The following KLRB1 variants were observed in gnomAD, a reference collection of about 807,000 sequenced individuals.
The protein encoded by KLRB1 is killer cell lectin-like receptor subfamily B member 1.
KLRB1 carries 27 observed loss-of-function variants against 33.5 expected under a neutral mutation model. The observed-to-expected ratio is 0.81, with a 90% CI of 0.59 to 1.11. The LOEUF (loss-of-function observed/expected upper bound fraction) is 1.11, where lower values mean the gene tolerates loss of function less well. KLRB1 is among the 50% of genes most tolerant of loss of function. The probability of loss-of-function intolerance (pLI) is 0.00; values close to 1 mark genes in which losing one functional copy is unlikely to be tolerated. For synonymous variants in KLRB1, 64 were observed against 88.9 expected, an observed-to-expected ratio of 0.72 and a Z score of 1.58; for missense variants, 241 against 254.1, an observed-to-expected ratio of 0.95 and a Z score of 0.35.
At chr12:9,607,405 T>TTTCTTTCTTTCTTTCTTTTC (rs1565444748) in intron 1 of KLRB1, among the ~76,000 whole-genome samples, 1 of 48,028 alleles carries the variant, frequency 2.1e-5, no homozygotes, top group African/African-American at 6.1e-5. Context: ...TCTTTCTTTC[T>TTTCTTTCTTTCTTTCTTTTC]TTTCTTTCTT....
chr12:9,596,070 T>C (rs1421124238), intron 5 of KLRB1, among the ~76,000 whole-genome samples: 2 of 152,140 alleles, frequency 1.3e-5, no homozygotes, highest in African/African-American at 2.4e-5. Flanking sequence ...GGTGATGATA[T>C]AATTCAAACA....
At chr12:9,603,573 C>T (rs374996153) in intron 1 of KLRB1, among the ~76,000 whole-genome samples, 13 of 149,660 alleles carry the variant, frequency 8.7e-5, no homozygotes, top group African/African-American at 1.7e-4. Context: ...TACAGGCATG[C>T]GCCACCATGC....
At chr12:9,603,014 A>G (rs1361893703) in intron 1 of KLRB1, among the ~76,000 whole-genome samples, 1 of 152,148 alleles carries the variant, frequency 6.6e-6, no homozygotes, top group Non-Finnish European at 1.5e-5. Flanking sequence ...GTAGCGTTAG[A>G]TGTGATCAAA....
rs1864641921 is a variant in KLRB1, at chr12:9,607,844, G to T, written c.-5C>A. 9 of 1,605,092 alleles carry T rather than the reference G, an allele frequency of 5.6e-6. No homozygotes were observed. Among genetic ancestry groups the T allele is most frequent in the Middle Eastern group, 1.7e-4 (1 of 6,040 alleles). On this transcript the variant is annotated 5_prime_UTR_variant, in exon 1 of 6. The change creates a new upstream start codon in the 5' untranslated region. Transcript: ENST00000229402. ...ATATATTGCTTGTTGGTCCATGGCAGACAGAGGAAGGTGGCATTAAACTTG... is the reference window on the plus strand; with the variant it reads ...ATATATTGCTTGTTGGTCCATGGCATACAGAGGAAGGTGGCATTAAACTTG...
intron 1 of KLRB1, chr12:9,607,522 G>A (rs1051661344): frequency 2.3e-6 from 1 of 434,262 alleles, no homozygotes; most frequent in Non-Finnish European, 4.2e-6. Flanking sequence ...GGCTCAGTAA[G>A]ACAAGTGATG....
chr12:9,607,616 C>G lies in KLRB1; in HGVS notation c.85+139G>C, dbSNP rs149588807. 1.0e-2 allele frequency: 5,957 copies of G among 597,020 alleles called. 60 individuals carry two copies. The highest frequency in any genetic ancestry group is 0.012 in the Non-Finnish European group (3,914 of 334,764). The allele number at this position is 597,020 out of a possible 1,614,324, so 37.0% of individuals were successfully genotyped here. A position where few individuals can be genotyped will look rare whatever the true frequency, so the allele number is the denominator to read the frequency against. Reference sequence around the variant, plus strand: ...TCCCAAAGTTGTGATTATCTACAGGCAAGCCATGCAACACCCGTTAAACAT... The same window carrying G: ...TCCCAAAGTTGTGATTATCTACAGGGAAGCCATGCAACACCCGTTAAACAT... On this transcript the variant is annotated intron_variant, in intron 1 of 5. Coordinates refer to ENST00000229402, the MANE Select transcript of KLRB1 (RefSeq NM_002258.3).
intron 1 of KLRB1, among the ~76,000 whole-genome samples, chr12:9,604,155 C>T (rs1864575026): frequency 6.6e-6 from 1 of 152,024 alleles, no homozygotes; most frequent in South Asian, 2.1e-4. Context: ...GTTTCTGTGG[C>T]ACCACGTGAC....
rs887887856 is a variant in KLRB1 at position 9,601,386 on chromosome 12, C to T, written c.184+115G>A. The T allele has an allele frequency of 8.6e-5, 58 of 672,430 alleles. No homozygotes were observed. The African/African-American group carries it at 9.9e-4, about 11-fold the overall frequency. 41.7% of individuals were successfully genotyped at this position (672,430 alleles called of 1,614,324 possible). Reference sequence around the variant, plus strand: ...TTTCTTTTCCAAATCTCTCGTCCCACCTTACGAGAAACACCCACAGGTGTG... The same window carrying T: ...TTTCTTTTCCAAATCTCTCGTCCCATCTTACGAGAAACACCCACAGGTGTG... On this transcript the variant is annotated intron_variant, in intron 2 of 5. Transcript: ENST00000229402.
intron 2 of KLRB1, among the ~76,000 whole-genome samples, chr12:9,601,176 G>A (rs372314150): frequency 3.4e-5 from 5 of 148,364 alleles, no homozygotes; most frequent in African/African-American, 7.4e-5. Context: ...CTTTGTTCAC[G>A]TGTTTGTCTG....
chr12:9,603,308 C>T (rs12818361), intron 1 of KLRB1, among the ~76,000 whole-genome samples: 41,297 of 152,066 alleles, frequency 0.27, 6,536 homozygotes, highest in South Asian at 0.47. Flanking sequence ...TATATATGTA[C>T]GTTATTTCAC....
At chr12:9,600,603 C>A (rs773136096) in intron 2 of KLRB1, among the ~76,000 whole-genome samples, 5 of 152,248 alleles carry the variant, frequency 3.3e-5, no homozygotes, top group South Asian at 2.1e-4. Flanking sequence ...TACCCCCAAC[C>A]CCTTGCTCTC....
At position 9,601,598 on chromosome 12, in the gene KLRB1, A is replaced by G. The variant is rs781679407; in HGVS notation, c.87T>C (p.Asp29=). ...GATGCCAAGGTGAACCCTGACAGAC[A>G]TCTGAAAAGTTAAAAAGAAAAACAC... ...ESSSPSSLPR[D]VCQGSPWHQF... is the part of the protein sequence containing the mutation. The change falls in exon 2 of 6, where the codon GAT becomes GAC. Residue 29 remains aspartate (D), a splice_region_variant and synonymous_variant. Transcript: ENST00000229402. The G allele has an allele frequency of 1.2e-6, 2 of 1,605,528 alleles. No individual in the cohort carries two copies. The highest frequency in any genetic ancestry group is 1.7e-6 in the Non-Finnish European group (2 of 1,173,626).
intron 1 of KLRB1, among the ~76,000 whole-genome samples, chr12:9,607,412 T>TCTTTCTTTCTTTCTTTCTTTC (rs1565444769): frequency 6.9e-6 from 1 of 145,282 alleles, no homozygotes; most frequent in Non-Finnish European, 1.5e-5. Context: ...TTCTTTTCTT[T>TCTTTCTTTCTTTCTTTCTTTC]CTTTCTTTCT....
At chr12:9,603,305 G>A (rs1864563877) in intron 1 of KLRB1, among the ~76,000 whole-genome samples, 1 of 152,128 alleles carries the variant, frequency 6.6e-6, no homozygotes, top group Non-Finnish European at 1.5e-5. Context: ...TTTTATATAT[G>A]TACGTTATTT....
chr12:9,598,269 G>T, intron 4 of KLRB1, 108 bp from the exon 5 acceptor site: 1 of 793,142 alleles, frequency 1.3e-6, no homozygotes, highest in Non-Finnish European at 2.1e-6. Context: ...CTAACTCGTC[G>T]TCAGCATTAA....
rs770524225 is a variant in KLRB1 at position 9,605,298 on chromosome 12, A to G, written c.85+2457T>C. Among the ~76,000 whole-genome samples the G allele has an allele frequency of 6.5e-4, 99 of 152,340 alleles. 1 individual carries two copies. Among genetic ancestry groups the G allele is most frequent in the African/African-American group, 2.3e-3 (94 of 41,572 alleles). On this transcript the variant is annotated intron_variant, in intron 1 of 5. Coordinates refer to ENST00000229402, the MANE Select transcript of KLRB1 (RefSeq NM_002258.3). The stretch of plus-strand genomic sequence containing the variant: ...TTGTGAATGCTGCCGCAATAAACAT[A>G]CGTGTGCATGTGTCTTTATAGCAGC...
intron 1 of KLRB1, among the ~76,000 whole-genome samples, chr12:9,603,599 T>G (rs1453860722): frequency 1.1e-3 from 1 of 938 alleles, no homozygotes; most frequent in African/African-American, 1.1e-3. Flanking sequence ...TAATTTTGTA[T>G]TTTTTTTTTT....
At chr12:9,606,345 A>G (rs1334698655) in intron 1 of KLRB1, 1 of 152,054 alleles carries the variant, frequency 6.6e-6, no homozygotes, top group Non-Finnish European at 1.5e-5. Flanking sequence ...CTTCCCATCC[A>G]TCCACAGGCC....
chr12:9,607,366 T>TTCTC (rs1864627376), intron 1 of KLRB1, among the ~76,000 whole-genome samples: 2 of 82,036 alleles, frequency 2.4e-5, no homozygotes, highest in African/African-American at 7.5e-5. Flanking sequence ...CTTTCTTTCT[T>TTCTC]TCTTTCTTTC....
Sources: allele counts gnomAD v4.1 joint callset (sites outside exome capture counted in the v4.1 genomes callset), GRCh38; gene constraint gnomAD v4.1.1; transcripts MANE v1.5; gene names NCBI Gene and HGNC (gene_info 2026-07-23, HGNC 2026-07-21).